Variants in CWF19L2 observed in about 807,000 individuals in gnomAD.
The protein encoded by CWF19L2 is CWF19 like cell cycle control factor 2.
CWF19L2 carries 98 observed loss-of-function variants against 111.7 expected under a neutral mutation model. The ratio of observed to expected loss-of-function variants is 0.88; its 90% CI spans 0.75 to 1.04. The LOEUF is 1.04. CWF19L2 is among the 50% of genes least tolerant of loss of function. The probability of loss-of-function intolerance (pLI) is 0.00; values close to 1 mark genes in which losing one functional copy is unlikely to be tolerated. For synonymous variants in CWF19L2, 351 were observed against 342.9 expected, an observed-to-expected ratio of 1.02 and a Z score of -0.26; for missense variants, 1,101 against 1,051.4, an observed-to-expected ratio of 1.05 and a Z score of -0.65.
intron 3 of CWF19L2, among the ~76,000 whole-genome samples, chr11:107,448,337 C>A (rs1374311793): frequency 3.4e-5 from 4 of 116,562 alleles, no homozygotes; most frequent in Admixed American, 1.0e-4. Flanking sequence ...GAGCGAGACT[C>A]CGTCACAAAA....
Position 107,429,000 on chromosome 11 carries a change from T to A in CWF19L2, c.1232A>T (p.Asn411Ile), listed in dbSNP as rs1391049897. Residue 411 changes from asparagine to isoleucine, a missense_variant, in exon 8 of 18, where the codon AAC becomes ATC. Transcript: ENST00000282251. ...LCSGFRKPTKNSEERLTSWSR... is the reference protein window; with the variant it reads ...LCSGFRKPTKISEERLTSWSR... Reference sequence around the variant, plus strand: ...CCATGATGTTAATCTTTCTTCACTGTTCTTGGTGGGTTTTCTAAAACCACT... The same window carrying A: ...CCATGATGTTAATCTTTCTTCACTGATCTTGGTGGGTTTTCTAAAACCACT... 6.2e-7 allele frequency: 1 copy of A among 1,613,822 alleles called. No individual in the cohort carries two copies. The highest frequency in any genetic ancestry group is 1.7e-5 in the Admixed American group (1 of 60,000).
intron 10 of CWF19L2, among the ~76,000 whole-genome samples, chr11:107,413,832 T>C (rs1329902157): frequency 1.3e-5 from 2 of 152,176 alleles, no homozygotes; most frequent in South Asian, 2.1e-4. Flanking sequence ...TCTAGGGAAG[T>C]TGACATTCTC....
chr11:107,372,758 G>T (rs183584736), intron 12 of CWF19L2, among the ~76,000 whole-genome samples: 1 of 133,268 alleles, frequency 7.5e-6, no homozygotes, highest in Non-Finnish European at 1.6e-5. Flanking sequence ...CAAAGATAGC[G>T]GGTTGAGGAG....
chr11:107,433,509 T>C (rs933212051), intron 7 of CWF19L2, 125 bp downstream of exon 7: 2 of 356,314 alleles, frequency 5.6e-6, no homozygotes, highest in African/African-American at 4.2e-5. Context: ...AGCAGAAAAT[T>C]ACTTCAGTAG....
At chr11:107,435,272 A>AT (rs1861525230) in intron 6 of CWF19L2, among the ~76,000 whole-genome samples, 1 of 152,110 alleles carries the variant, frequency 6.6e-6, no homozygotes, top group Non-Finnish European at 1.5e-5. Context: ...TTTTGTTGTT[A>AT]TTTATATAGT....
chr11:107,455,240 T>C lies in CWF19L2; in HGVS notation c.216+426A>G, dbSNP rs182871855. Among the ~76,000 whole-genome samples the C allele has an allele frequency of 3.2e-3, 487 of 152,212 alleles. 1 individual carries two copies. The highest frequency in any genetic ancestry group is 0.011 in the African/African-American group (466 of 41,542). On this transcript the variant is annotated intron_variant, in intron 2 of 17. Coordinates refer to ENST00000282251, the MANE Select transcript of CWF19L2 (RefSeq NM_152434.3). ...TTAGCTTGACTGAATCTTTCTATAA[T>C]GTATACATAGATCAAACCATCACAC...
At position 107,348,943 on chromosome 11, in the gene CWF19L2, C is replaced by T. The variant is rs1204168202; in HGVS notation, c.2196G>A (p.Glu732=). Residue 732 remains glutamate, a synonymous_variant, in exon 14 of 18, where the codon GAG becomes GAA. Coordinates refer to ENST00000282251, the MANE Select transcript of CWF19L2 (RefSeq NM_152434.3). The part of the protein sequence containing the change: ...ATLLDEDIWE[E]IQMFRKSLVK... ...GAACATTTATTATGCTGACCTGGATCTCCTCCCAGATGTCTTCATCCAACA... is the reference window on the plus strand; with the variant it reads ...GAACATTTATTATGCTGACCTGGATTTCCTCCCAGATGTCTTCATCCAACA... 1.3e-6 allele frequency: 2 copies of T among 1,576,778 alleles called. No homozygotes were observed. The highest frequency in any genetic ancestry group is 8.7e-7 in the Non-Finnish European group (1 of 1,152,768).
chr11:107,457,602 A>G (rs1861873599), intron 1 of CWF19L2, 110 bp downstream of exon 1: 14 of 737,556 alleles, frequency 1.9e-5, no homozygotes, highest in Non-Finnish European at 3.2e-5. Flanking sequence ...ACCCAAATTA[A>G]GGTGAGATTC....
intron 6 of CWF19L2, among the ~76,000 whole-genome samples, chr11:107,435,451 G>T (rs1045630908): frequency 5.3e-5 from 8 of 151,874 alleles, no homozygotes; most frequent in Non-Finnish European, 1.2e-4. Flanking sequence ...AAATGCTGAT[G>T]GACATAGTAA....
Position 107,418,198 on chromosome 11 carries a change from T to C in CWF19L2, c.1523A>G (p.Asn508Ser). 6.3e-7 allele frequency: 1 copy of C among 1,581,926 alleles called. No individual in the cohort carries two copies. The highest frequency in any genetic ancestry group is 1.1e-5 in the South Asian group (1 of 90,424). ...AGCAACATCTAAGAGTCTTACCATA[T>C]TCCCCATCATCTCTGCTTTGATAAT... ...AKIIKAEMMG[N>S]MELAEQLKVQ... The change falls in exon 9 of 18, where the codon AAT becomes AGT. Residue 508 changes from asparagine (N) to serine (S), a missense_variant. Transcript: ENST00000282251.
At position 107,416,300 on chromosome 11, in the gene CWF19L2, T is replaced by A; in HGVS notation, c.1528-2A>T. The A allele has an allele frequency of 7.3e-7, 1 of 1,375,798 alleles. No homozygotes were observed. The highest frequency in any genetic ancestry group is 1.4e-5 in the South Asian group (1 of 70,290). 85.2% of individuals were successfully genotyped at this position (1,375,798 alleles called of 1,614,324 possible). ...AACTTTAAGTTGTTCAGCTAATTCC[T>A]TCAAAAAGAAAAACAAGTAAAATAT... On this transcript the variant is annotated splice_acceptor_variant, in intron 9 of 17. Coordinates refer to ENST00000282251, the MANE Select transcript of CWF19L2 (RefSeq NM_152434.3). LOFTEE classifies it high-confidence loss of function.
At chr11:107,354,783 A>C (rs1234471026) in intron 12 of CWF19L2, among the ~76,000 whole-genome samples, 2 of 152,236 alleles carry the variant, frequency 1.3e-5, no homozygotes, top group African/African-American at 4.8e-5. Context: ...ACATGACTGC[A>C]GTTATTCTGT....
chr11:107,330,499 C>G (rs983525237), intron 16 of CWF19L2, among the ~76,000 whole-genome samples: 1 of 151,890 alleles, frequency 6.6e-6, no homozygotes, highest in African/African-American at 2.4e-5. Flanking sequence ...TTTTTACGAG[C>G]TGGTGAAGTG....
chr11:107,437,331 GC>G (rs1861556312), intron 6 of CWF19L2, among the ~76,000 whole-genome samples: 1 of 152,140 alleles, frequency 6.6e-6, no homozygotes, highest in South Asian at 2.1e-4. Context: ...TAGTGGAAAT[GC>G]CAACATTCTA....
At chr11:107,390,377 C>G (rs892298627) in intron 11 of CWF19L2, among the ~76,000 whole-genome samples, 166 bp from the exon 12 acceptor site, 1 of 152,204 alleles carries the variant, frequency 6.6e-6, no homozygotes, top group African/African-American at 2.4e-5. Flanking sequence ...GAAAAAACTT[C>G]CATTAGAATT....
At chr11:107,327,122 C>T (rs1859773508) in intron 17 of CWF19L2, 69 bp from the exon 18 acceptor site, 1 of 1,358,944 alleles carries the variant, frequency 7.4e-7, no homozygotes, top group African/African-American at 1.5e-5. Flanking sequence ...GAAACTATTT[C>T]TGTTTATTCT....
At chr11:107,335,611 A>G (rs1315465437) in intron 15 of CWF19L2, among the ~76,000 whole-genome samples, 1 of 152,206 alleles carries the variant, frequency 6.6e-6, no homozygotes, top group Non-Finnish European at 1.5e-5. Flanking sequence ...AATTTAAAAA[A>G]TAAGAATTTT....
chr11:107,403,864 C>A, intron 10 of CWF19L2: 1 of 793,278 alleles, frequency 1.3e-6, no homozygotes, highest in Non-Finnish European at 2.2e-6. Flanking sequence ...CTAGGAATTT[C>A]CTCTTCTCCT....
At chr11:107,355,640 A>G (rs1860226802) in intron 12 of CWF19L2, among the ~76,000 whole-genome samples, 1 of 152,206 alleles carries the variant, frequency 6.6e-6, no homozygotes, top group African/African-American at 2.4e-5. Context: ...AAGAGGACAC[A>G]ACATTCTGTA....
Sources: gnomAD v4.1 joint callset for allele counts (sites outside exome capture counted in the v4.1 genomes callset) on GRCh38, gnomAD v4.1.1 for gene constraint, MANE v1.5 for transcripts, NCBI Gene and HGNC (gene_info 2026-07-23, HGNC 2026-07-21) for gene names.